Variants in LRRC72 observed in about 807,000 individuals in gnomAD.
LRRC72 encodes the protein leucine rich repeat containing 72, also known as leucine-rich repeat-containing protein 72.
In LRRC72, 41 loss-of-function variants were observed where a neutral mutation model predicts 35.8. That is an observed-to-expected ratio of 1.15 (90% CI 0.89 to 1.49). The LOEUF (loss-of-function observed/expected upper bound fraction) is 1.49, where lower values mean the gene tolerates loss of function less well. Ranked by LOEUF, LRRC72 falls within the 40% of genes most tolerant of loss-of-function variation. The pLI is 0.00. For synonymous variants in LRRC72, 118 were observed against 119.2 expected (o/e 0.99, Z 0.07); for missense variants, 389 against 330.7 (o/e 1.18, Z -1.37).
chr7:16,529,872 T>C (rs140305803), intron 1 of LRRC72, among the ~76,000 whole-genome samples: 165 of 152,320 alleles, frequency 1.1e-3, no homozygotes, highest in African/African-American at 3.7e-3. Flanking sequence ...CAAATTAATA[T>C]GTGGTTATTG....
chr7:16,579,053 A>G (rs1041856174), intron 7 of LRRC72, among the ~76,000 whole-genome samples: 1 of 152,228 alleles, frequency 6.6e-6, no homozygotes, highest in Non-Finnish European at 1.5e-5. Context: ...ATATGATGTG[A>G]CTATAGTTAG....
chr7:16,544,284 A>C (rs1782407443), intron 3 of LRRC72, among the ~76,000 whole-genome samples: 1 of 152,154 alleles, frequency 6.6e-6, no homozygotes, highest in Non-Finnish European at 1.5e-5. Flanking sequence ...CTAGCTGATG[A>C]AAAAGCACAA....
intron 5 of LRRC72, among the ~76,000 whole-genome samples, chr7:16,565,317 C>T (rs1159253040): frequency 6.6e-6 from 1 of 151,850 alleles, no homozygotes; most frequent in East Asian, 1.9e-4. Flanking sequence ...CCTGTAATCC[C>T]AGCTACTCAG....
chr7:16,533,054 A>G (rs1185827518), intron 2 of LRRC72, among the ~76,000 whole-genome samples: 1 of 152,114 alleles, frequency 6.6e-6, no homozygotes, highest in African/African-American at 2.4e-5. Flanking sequence ...CCTCATTCTC[A>G]GGGTTGTTGT....
In LRRC72 at chr7:16,567,491, A is replaced by T. The variant is rs959042084; in HGVS notation, c.618A>T (p.Ser206=). The T allele has an allele frequency of 1.3e-6, 2 of 1,523,696 alleles. No homozygotes were observed. The highest frequency in any genetic ancestry group is 1.4e-5 in the African/African-American group (1 of 72,054). 94.4% of individuals were successfully genotyped at this position (1,523,696 alleles called of 1,614,324 possible). ...SIAFGGKVDA[S]WDPKSPFKQK... Reference sequence around the variant, plus strand: ...CATTCGGAGGAAAAGTGGATGCTTCATGGGATCCTAAATCACCATTTAAGC... The same window carrying T: ...CATTCGGAGGAAAAGTGGATGCTTCTTGGGATCCTAAATCACCATTTAAGC... The change falls in exon 7 of 9, where the codon TCA becomes TCT. Residue 206 remains serine, a synonymous_variant. Coordinates refer to ENST00000401542, the MANE Select transcript of LRRC72 (RefSeq NM_001195280.2).
intron 3 of LRRC72, among the ~76,000 whole-genome samples, chr7:16,548,829 C>T (rs772951034): frequency 6.6e-5 from 10 of 152,202 alleles, no homozygotes; most frequent in Non-Finnish European, 1.2e-4. Context: ...GAAGCAATAC[C>T]CCAAAGATCC....
intron 6 of LRRC72, among the ~76,000 whole-genome samples, chr7:16,566,939 G>C (rs968305667): frequency 6.6e-6 from 1 of 151,730 alleles, no homozygotes; most frequent in Non-Finnish European, 1.5e-5. Context: ...AACATTTTTT[G>C]AGGCCTATTT....
intron 5 of LRRC72, among the ~76,000 whole-genome samples, chr7:16,563,404 C>T (rs1782775889): frequency 6.6e-6 from 1 of 152,008 alleles, no homozygotes; most frequent in Non-Finnish European, 1.5e-5. Flanking sequence ...ATTGCTTAGA[C>T]TCAGAATCCC....
chr7:16,563,094 C>T (rs1190175452), intron 5 of LRRC72, among the ~76,000 whole-genome samples: 2 of 152,174 alleles, frequency 1.3e-5, no homozygotes, highest in African/African-American at 2.4e-5. Flanking sequence ...TCTCTATAGG[C>T]TTTTAACTTC....
chr7:16,547,893 A>G (rs548372536), intron 3 of LRRC72, among the ~76,000 whole-genome samples: 41 of 152,322 alleles, frequency 2.7e-4, no homozygotes, highest in Non-Finnish European at 4.7e-4. Context: ...CAGGTCCCCA[A>G]TGAAGCCCCA....
intron 1 of LRRC72, among the ~76,000 whole-genome samples, chr7:16,529,426 C>A (rs1782126024): frequency 6.6e-6 from 1 of 152,114 alleles, no homozygotes; most frequent in South Asian, 2.1e-4. Flanking sequence ...CTGTATTGTA[C>A]TTGCAGATAC....
At chr7:16,577,460 A>C (rs1471850919) in intron 7 of LRRC72, among the ~76,000 whole-genome samples, 1 of 152,208 alleles carries the variant, frequency 6.6e-6, no homozygotes, top group Non-Finnish European at 1.5e-5. Flanking sequence ...ATAATCCCAA[A>C]GTGAAGGCCA....
chr7:16,566,434 T>C, intron 6 of LRRC72, 32 bp downstream of exon 6: 2 of 1,434,682 alleles, frequency 1.4e-6, no homozygotes, highest in Non-Finnish European at 1.9e-6. Flanking sequence ...AAAGAAATAT[T>C]TGAGAAGTAG....
chr7:16,531,447 C>A (rs1376189780), intron 1 of LRRC72, among the ~76,000 whole-genome samples: 1 of 152,178 alleles, frequency 6.6e-6, no homozygotes, highest in Non-Finnish European at 1.5e-5. Context: ...TTCCTCATTT[C>A]TTTAAATATG....
chr7:16,579,854 T>G (rs1403404268), intron 7 of LRRC72, among the ~76,000 whole-genome samples: 1 of 152,134 alleles, frequency 6.6e-6, no homozygotes, highest in Non-Finnish European at 1.5e-5. Context: ...TTAAAAAAAT[T>G]TGCCCCAAAA....
intron 4 of LRRC72, 140 bp from the exon 5 acceptor site, chr7:16,558,749 C>T (rs951306412): frequency 6.3e-6 from 2 of 318,246 alleles, no homozygotes; most frequent in African/African-American, 2.2e-5. Flanking sequence ...AATAGTTATT[C>T]CTTCTTTAAC....
chr7:16,538,010 G>C (rs1322540194), intron 3 of LRRC72, among the ~76,000 whole-genome samples: 9 of 152,088 alleles, frequency 5.9e-5, no homozygotes, highest in Admixed American at 3.9e-4. Flanking sequence ...AAGAAAACCT[G>C]GGCAGCCCCA....
intron 3 of LRRC72, among the ~76,000 whole-genome samples, chr7:16,551,546 T>TAAATTGATCACCAATGGCCA (rs1782548898): frequency 6.6e-6 from 1 of 152,150 alleles, no homozygotes; most frequent in African/African-American, 2.4e-5. Flanking sequence ...GCCTGAAGGT[T>TAAATTGATCACCAATGGCCA]AAATTGATCA....
At chr7:16,528,882 G>A (rs10235440) in intron 1 of LRRC72, among the ~76,000 whole-genome samples, 54,531 of 152,010 alleles carry the variant, frequency 0.36, 10,008 homozygotes, top group East Asian at 0.46. Flanking sequence ...AGGAGGAAAA[G>A]TGTTTCTGAA....
Sources: allele counts gnomAD v4.1 joint callset (sites outside exome capture counted in the v4.1 genomes callset), GRCh38; gene constraint gnomAD v4.1.1; transcripts MANE v1.5; gene names NCBI Gene and HGNC (gene_info 2026-07-23, HGNC 2026-07-21).